Variants in OTOGL observed in about 807,000 individuals in gnomAD.
OTOGL encodes the protein otogelin-like protein.
In OTOGL, 285 loss-of-function variants were observed where a neutral mutation model predicts 318.5. The observed-to-expected ratio is 0.89, with a 90% CI of 0.81 to 0.99. OTOGL has a LOEUF of 0.99. OTOGL is among the 50% of genes least tolerant of loss of function. The probability of loss-of-function intolerance (pLI) is 0.00; values close to 1 mark genes in which losing one functional copy is unlikely to be tolerated. For missense variants in OTOGL, 2,899 were observed against 2,845.6 expected, an observed-to-expected ratio of 1.02 and a Z score of -0.43; for synonymous variants, 987 against 936.5, an observed-to-expected ratio of 1.05 and a Z score of -0.99.
chr12:80,198,913 C>T (rs533356578), intron 1 of OTOGL, among the ~76,000 whole-genome samples: 8 of 152,168 alleles, frequency 5.3e-5, no homozygotes, highest in Non-Finnish European at 8.8e-5. Context: ...TTTCCTGTGG[C>T]TGTTTTCCTC....
chr12:80,161,676 G>A (rs187833793), intron 1 of OTOGL, among the ~76,000 whole-genome samples: 2 of 152,212 alleles, frequency 1.3e-5, no homozygotes, highest in East Asian at 1.9e-4. Flanking sequence ...CGGTGCTACC[G>A]TTAGTAGAAA....
intron 1 of OTOGL, among the ~76,000 whole-genome samples, chr12:80,166,459 G>C (rs1255965418): frequency 1.3e-5 from 2 of 151,940 alleles, no homozygotes; most frequent in African/African-American, 4.8e-5. Context: ...AAACCATATT[G>C]TCCTTTCTCT....
intron 11 of OTOGL, among the ~76,000 whole-genome samples, chr12:80,241,458 T>C (rs1880371711): frequency 6.6e-6 from 1 of 151,728 alleles, no homozygotes; most frequent in African/African-American, 2.4e-5. Flanking sequence ...TAGCTCTTTG[T>C]TGTTGTTTTT....
intron 1 of OTOGL, among the ~76,000 whole-genome samples, chr12:80,143,980 G>A (rs146741563): frequency 2.0e-5 from 3 of 151,796 alleles, no homozygotes; most frequent in Admixed American, 6.6e-5. Context: ...TATTTGGCCA[G>A]AGAGATATAT....
chr12:80,366,418 G>A (rs1566018561), intron 52 of OTOGL, 156 bp from the exon 53 acceptor site: 1 of 465,544 alleles, frequency 2.1e-6, no homozygotes, highest in Admixed American at 2.4e-5. Context: ...ATTTTAAAGT[G>A]TCTGGCTGTG....
chr12:80,157,803 G>A lies in OTOGL; in HGVS notation c.-19-51610G>A, dbSNP rs1412916184. Among the ~76,000 whole-genome samples, 4 of 151,994 alleles carry A rather than the reference G, an allele frequency of 2.6e-5. No individual in the cohort carries two copies. The South Asian group carries it at 8.3e-4, about 32-fold the overall frequency. ...GGTCTGTGTGTCTGTGTATCATAAG[G>A]GTGACAGTGGTTTCTTGCTGCTCTC... On this transcript the variant is annotated intron_variant, in intron 1 of 58. Coordinates refer to ENST00000547103, the MANE Select transcript of OTOGL (RefSeq NM_001378609.3).
chr12:80,320,799 A>T, intron 34 of OTOGL, 99 bp downstream of exon 34: 1 of 1,260,384 alleles, frequency 7.9e-7, no homozygotes, highest in Non-Finnish European at 1.1e-6. Flanking sequence ...ACTGCATATA[A>T]GCAGATAGAC....
In OTOGL at chr12:80,257,823, AG is replaced by A; in HGVS notation, c.1712del. The A allele has an allele frequency of 6.4e-7, 1 of 1,568,980 alleles. No homozygotes were observed. The highest frequency in any genetic ancestry group is 8.6e-7 in the Non-Finnish European group (1 of 1,163,890). Reference sequence around the variant, plus strand: ...TGATTTACGTATGTTCTTTTCCTGCAGGTATTGTTGAAATTCAAACTCTGTC... The same window carrying A: ...TGATTTACGTATGTTCTTTTCCTGCAGTATTGTTGAAATTCAAACTCTGTC... On this transcript the variant is annotated splice_acceptor_variant, in intron 17 of 58. Coordinates refer to ENST00000547103, the MANE Select transcript of OTOGL (RefSeq NM_001378609.3). LOFTEE classifies it high-confidence loss of function.
chr12:80,131,481 AT>A (rs1370319648), intron 1 of OTOGL, among the ~76,000 whole-genome samples: 2 of 152,166 alleles, frequency 1.3e-5, no homozygotes, highest in Non-Finnish European at 2.9e-5. Flanking sequence ...GTACAAAATA[AT>A]TTTTATGAAA....
intron 29 of OTOGL, among the ~76,000 whole-genome samples, chr12:80,307,436 G>A (rs1350546063): frequency 6.7e-6 from 1 of 148,884 alleles, no homozygotes; most frequent in Non-Finnish European, 1.5e-5. Context: ...CAGACGGGGG[G>A]CTGACCCCCC....
intron 9 of OTOGL, among the ~76,000 whole-genome samples, chr12:80,234,625 C>G (rs1388078493): frequency 6.6e-6 from 1 of 152,160 alleles, no homozygotes; most frequent in East Asian, 1.9e-4. Context: ...TAGTAATACT[C>G]AATACATTTA....
At chr12:80,278,384 T>C (rs1194302523) in intron 25 of OTOGL, 109 bp downstream of exon 25, 1 of 893,686 alleles carries the variant, frequency 1.1e-6, no homozygotes, top group African/African-American at 1.7e-5. Flanking sequence ...AAATCAAGCC[T>C]CAGCAAATAA....
At chr12:80,360,205 T>C (rs1167961002) in intron 52 of OTOGL, among the ~76,000 whole-genome samples, 1 of 152,196 alleles carries the variant, frequency 6.6e-6, no homozygotes, top group Non-Finnish European at 1.5e-5. Flanking sequence ...AAGGGCTCAA[T>C]CAGTATTAGT....
chr12:80,108,040 C>T (rs909422869), intron 1 of OTOGL, among the ~76,000 whole-genome samples: 4 of 152,012 alleles, frequency 2.6e-5, no homozygotes, highest in African/African-American at 4.8e-5. Context: ...TACACCAAAC[C>T]CCATGACACG....
At position 80,380,605 on chromosome 12, in the gene OTOGL, C is replaced by G. The variant is rs999337543; in HGVS notation, c.*2557C>G. 3 of 142,536 alleles carry G rather than the reference C, an allele frequency of 2.1e-5. No homozygotes were observed. The highest frequency in any genetic ancestry group is 3.1e-5 in the Non-Finnish European group (2 of 64,584). The allele number at this position is 142,536 out of a possible 1,614,324, so 8.8% of individuals were successfully genotyped here. ...TCTCACCTACCAGACTGGTAAAAAA[C>G]CAGAAGTTTAATGATACTTTTATTT... On this transcript the variant is annotated 3_prime_UTR_variant, in exon 59 of 59. Transcript: ENST00000547103.
chr12:80,129,267 G>A (rs973132393), intron 1 of OTOGL, among the ~76,000 whole-genome samples: 15 of 152,274 alleles, frequency 9.9e-5, no homozygotes, highest in African/African-American at 1.7e-4. Flanking sequence ...ATTAAAAACC[G>A]TTTTCTCTGT....
intron 9 of OTOGL, among the ~76,000 whole-genome samples, chr12:80,236,531 T>G (rs147173436): frequency 5.9e-5 from 9 of 152,306 alleles, no homozygotes; most frequent in African/African-American, 2.2e-4. Context: ...GGTTGTTTAG[T>G]CACATTAAAA....
intron 1 of OTOGL, among the ~76,000 whole-genome samples, chr12:80,105,099 G>A (rs1369133651): frequency 1.3e-5 from 2 of 151,840 alleles, no homozygotes; most frequent in Non-Finnish European, 2.9e-5. Flanking sequence ...GCAAAACTCC[G>A]TCTCAAAAAC....
At chr12:80,136,792 A>AT (rs903412989) in intron 1 of OTOGL, among the ~76,000 whole-genome samples, 18 of 151,380 alleles carry the variant, frequency 1.2e-4, no homozygotes, top group Admixed American at 2.0e-4. Flanking sequence ...TTTTTTCTCT[A>AT]TTTTTTTTAA....
Sources: gnomAD v4.1 joint callset for allele counts (sites outside exome capture counted in the v4.1 genomes callset) on GRCh38, gnomAD v4.1.1 for gene constraint, MANE v1.5 for transcripts, NCBI Gene and HGNC (gene_info 2026-07-23, HGNC 2026-07-21) for gene names.